The following TOP1 variants were observed in gnomAD, a reference collection of about 807,000 sequenced individuals.
TOP1 encodes DNA topoisomerase I, also known as DNA topoisomerase 1.
A neutral mutation model predicts 111.1 loss-of-function variants in TOP1; 10 were observed. The ratio of observed to expected loss-of-function variants is 0.09; its 90% CI spans 0.06 to 0.15. TOP1 has a LOEUF of 0.15. TOP1 is among the 10% of genes least tolerant of loss of function. The probability of loss-of-function intolerance (pLI) is 1.00; values close to 1 mark genes in which losing one functional copy is unlikely to be tolerated. For synonymous variants in TOP1, 271 were observed against 302.9 expected, an observed-to-expected ratio of 0.89 and a Z score of 1.10; for missense variants, 474 against 926.7, an observed-to-expected ratio of 0.51 and a Z score of 6.34.
intron 2 of TOP1, among the ~76,000 whole-genome samples, chr20:41,054,462 C>T (rs1416154672): frequency 6.6e-6 from 1 of 152,204 alleles, no homozygotes; most frequent in Non-Finnish European, 1.5e-5. Flanking sequence ...ATTACCCAGT[C>T]TTGGGTATGT....
At chr20:41,043,292 A>C (rs1033129117) in intron 2 of TOP1, among the ~76,000 whole-genome samples, 5 of 152,236 alleles carry the variant, frequency 3.3e-5, no homozygotes, top group African/African-American at 9.6e-5. Context: ...GTAGTAATTC[A>C]ACCTCTTAAG....
At chr20:41,084,697 T>G in intron 8 of TOP1, 129 bp downstream of exon 8, 1 of 577,682 alleles carries the variant, frequency 1.7e-6, no homozygotes, top group Non-Finnish European at 3.0e-6. Flanking sequence ...TTCTCTAGAG[T>G]AACTTTCTGA....
chr20:41,073,149 A>G, intron 3 of TOP1: 2 of 985,416 alleles, frequency 2.0e-6, no homozygotes, highest in Non-Finnish European at 1.2e-6. Context: ...GATAATGTAC[A>G]GCAAAGCTGA....
Position 41,121,608 on chromosome 20 carries a change from TG to T in TOP1, c.1951-86del. 2 of 1,000,338 alleles carry T rather than the reference TG, an allele frequency of 2.0e-6. No individual in the cohort carries two copies. Among genetic ancestry groups the T allele is most frequent in the Non-Finnish European group, 3.2e-6 (2 of 626,682 alleles). The allele number at this position is 1,000,338 out of a possible 1,614,324, so 62.0% of individuals were successfully genotyped here. On this transcript the variant is annotated intron_variant, in intron 18 of 20. Transcript: ENST00000361337. This position sits in a 1 kb window ranked among gnomAD's most constrained non-coding sequence, Gnocchi z 4.2. ...TGACAAACCACTGACAGAGACAGCC[TG>T]GTCCAGATAACATCTTGGTTTCACC...
chr20:41,100,676 C>A lies in TOP1; in HGVS notation c.1163+433C>A. On this transcript the variant is annotated intron_variant, in intron 12 of 20. Transcript: ENST00000361337. This position sits in a 1 kb window ranked among gnomAD's most constrained non-coding sequence, Gnocchi z 4.4. The stretch of plus-strand genomic sequence containing the variant: ...TTCTTACCTTAGATCTTAGCAACTT[C>A]ACCATACAGTTTTTTTTATTAAGTC... 1 of 164,238 alleles carries A rather than the reference C, an allele frequency of 6.1e-6. No homozygotes were observed. 10.2% of individuals were successfully genotyped at this position (164,238 alleles called of 1,614,324 possible).
rs1032679626 is a variant in TOP1, at chr20:41,092,164, T to G, written c.615-308T>G. The stretch of plus-strand genomic sequence containing the variant: ...TATGCCATTGTGGTAAAACAACTGT[T>G]TACATTTTCAAGTCCCTCACTTGTT... On this transcript the variant is annotated intron_variant, in intron 8 of 20. Transcript: ENST00000361337. The surrounding 1 kb of genome is among the most constrained non-coding windows in gnomAD (Gnocchi z 4.3). Among the ~76,000 whole-genome samples the G allele has an allele frequency of 2.6e-5, 4 of 152,240 alleles. No homozygotes were observed. Among genetic ancestry groups the G allele is most frequent in the Non-Finnish European group, 5.9e-5 (4 of 68,040 alleles).
In TOP1 at chr20:41,064,103, G is replaced by A. The variant is rs111915122; in HGVS notation, c.155+2613G>A. ...GATTTTTGTATGTGGTGTAAGGAAGGGGTCCAGTTTCAGTTTTCTGCGTAT... is the reference window on the plus strand; with the variant it reads ...GATTTTTGTATGTGGTGTAAGGAAGAGGTCCAGTTTCAGTTTTCTGCGTAT... On this transcript the variant is annotated intron_variant, in intron 3 of 20. Transcript: ENST00000361337. Among the ~76,000 whole-genome samples, 514 of 152,224 alleles carry A rather than the reference G, an allele frequency of 3.4e-3. 1 individual carries two copies. Among genetic ancestry groups the A allele is most frequent in the Middle Eastern group, 6.8e-3 (2 of 294 alleles).
Position 41,080,883 on chromosome 20 carries a change from A to G in TOP1, c.432-282A>G, listed in dbSNP as rs1457854252. ...ATTTTATTTTTTTTCCCAGACTTTC[A>G]TCTGATAATGATATTTATTTCTGCA... On this transcript the variant is annotated intron_variant, in intron 6 of 20. Transcript: ENST00000361337. This position sits in a 1 kb window ranked among gnomAD's most constrained non-coding sequence, Gnocchi z 5.0. Among the ~76,000 whole-genome samples the G allele has an allele frequency of 3.3e-5, 5 of 151,308 alleles. No individual in the cohort carries two copies. Among genetic ancestry groups the G allele is most frequent in the African/African-American group, 4.9e-5 (2 of 41,062 alleles).
chr20:41,035,334 G>T (rs1156540067), intron 2 of TOP1, among the ~76,000 whole-genome samples: 2 of 152,172 alleles, frequency 1.3e-5, no homozygotes, highest in Admixed American at 1.3e-4. Flanking sequence ...GATTTGGGGT[G>T]GGGAGGCATC....
chr20:41,123,213 C>T lies in TOP1; in HGVS notation c.2214C>T (p.Val738=). The stretch of plus-strand genomic sequence containing the variant: ...TTTGCAGGTGCAAGAAGTGGGGTGT[C>T]CCAATTGAGAAGATTTACAACAAAA... The part of the protein sequence containing the change: ...ITVAWCKKWG[V]PIEKIYNKTQ... The change falls in exon 21 of 21, where the codon GTC becomes GTT. Residue 738 remains valine (V), a synonymous_variant. Coordinates refer to ENST00000361337, the MANE Select transcript of TOP1 (RefSeq NM_003286.4). The surrounding 1 kb of genome is among the most constrained non-coding windows in gnomAD (Gnocchi z 5.8). 6.2e-7 allele frequency: 1 copy of T among 1,614,016 alleles called. No individual in the cohort carries two copies. The highest frequency in any genetic ancestry group is 8.5e-7 in the Non-Finnish European group (1 of 1,179,920).
rs2034303900 is a variant in TOP1 at position 41,114,874 on chromosome 20, TCATAAGGACA to T, written c.1639-495_1639-486del. 6.6e-6 allele frequency among the ~76,000 whole-genome samples: 1 copy of T among 152,176 alleles called. No individual in the cohort carries two copies. Among genetic ancestry groups the T allele is most frequent in the Non-Finnish European group, 1.5e-5 (1 of 68,030 alleles). ...CCTCTTCTTATAAAGACACCTCTTC[TCATAAGGACA>T]CCATAATCAGTAATCAGGTTTTGCT... On this transcript the variant is annotated intron_variant, in intron 15 of 20. Coordinates refer to ENST00000361337, the MANE Select transcript of TOP1 (RefSeq NM_003286.4). The surrounding 1 kb of genome is among the most constrained non-coding windows in gnomAD (Gnocchi z 4.5).
At chr20:41,037,109 C>A (rs1327944098) in intron 2 of TOP1, among the ~76,000 whole-genome samples, 1 of 152,088 alleles carries the variant, frequency 6.6e-6, no homozygotes, top group Admixed American at 6.5e-5. Flanking sequence ...GGATTACATG[C>A]ATGAGCCACC....
rs1465626337 is a variant in TOP1, at chr20:41,109,931, T to C, written c.1309-2851T>C. ...TATGGTATAGTCATAGAATATACTA[T>C]ATTTATCAGCAGTTAAGAAGGGAAC... On this transcript the variant is annotated intron_variant, in intron 13 of 20. Transcript: ENST00000361337. This position sits in a 1 kb window ranked among gnomAD's most constrained non-coding sequence, Gnocchi z 4.1. 2.0e-5 allele frequency among the ~76,000 whole-genome samples: 3 copies of C among 152,256 alleles called. No individual in the cohort carries two copies. In the East Asian group the frequency reaches 5.8e-4, roughly 29 times the overall value.
intron 2 of TOP1, among the ~76,000 whole-genome samples, chr20:41,057,601 G>A (rs1234462476): frequency 6.6e-6 from 1 of 152,162 alleles, no homozygotes; most frequent in Admixed American, 6.5e-5. Flanking sequence ...TAGAAAACAA[G>A]ATGAAGTATA....
chr20:41,091,319 G>C (rs900500068), intron 8 of TOP1, among the ~76,000 whole-genome samples: 2 of 152,140 alleles, frequency 1.3e-5, no homozygotes, highest in Non-Finnish European at 2.9e-5. Flanking sequence ...GCCTGAGTTG[G>C]ATCCTGGTCT....
At chr20:41,045,837 A>G (rs566328487) in intron 2 of TOP1, among the ~76,000 whole-genome samples, 1 of 152,396 alleles carries the variant, frequency 6.6e-6, no homozygotes, top group African/African-American at 2.4e-5. Flanking sequence ...TAGTAAAAGC[A>G]GATCAGAACT....
rs2033934058 is a variant in TOP1 at position 41,092,685 on chromosome 20, C to T, written c.730+98C>T. ...GAAGGATCCTATGTAATAGATAATCCTTTTTATTTCATTTTGTTTTATTGC... is the reference window on the plus strand; with the variant it reads ...GAAGGATCCTATGTAATAGATAATCTTTTTTATTTCATTTTGTTTTATTGC... On this transcript the variant is annotated intron_variant, in intron 9 of 20. Coordinates refer to ENST00000361337, the MANE Select transcript of TOP1 (RefSeq NM_003286.4). This position sits in a 1 kb window ranked among gnomAD's most constrained non-coding sequence, Gnocchi z 4.3. The T allele has an allele frequency of 5.0e-6, 3 of 597,402 alleles. No homozygotes were observed. Among genetic ancestry groups the T allele is most frequent in the Middle Eastern group, 3.7e-4 (1 of 2,716 alleles). The allele number at this position is 597,402 out of a possible 1,614,324, so 37.0% of individuals were successfully genotyped here.
rs1373487164 is a variant in TOP1, at chr20:41,122,580, TACAC to T, written c.2195+427_2195+430del. ...GATGAGAATACAGATCTGAGCAACT[TACAC>T]AGAGAGGCAGAGGGACCTTTAACAA... On this transcript the variant is annotated intron_variant, in intron 20 of 20. Transcript: ENST00000361337. The surrounding 1 kb of genome is among the most constrained non-coding windows in gnomAD (Gnocchi z 5.4). 2.0e-5 allele frequency among the ~76,000 whole-genome samples: 3 copies of T among 152,204 alleles called. No individual in the cohort carries two copies. Among genetic ancestry groups the T allele is most frequent in the African/African-American group, 7.2e-5 (3 of 41,452 alleles).
rs1028952749 is a variant in TOP1, at chr20:41,101,228, C to T, written c.1183C>T (p.Pro395Ser). 1 of 1,613,980 alleles carries T rather than the reference C, an allele frequency of 6.2e-7. No homozygotes were observed. Among genetic ancestry groups the T allele is most frequent in the African/African-American group, 1.3e-5 (1 of 74,930 alleles). ...NCSKDAKVPSPPPGHKWKEVR... is the reference protein window; with the variant it reads ...NCSKDAKVPSSPPGHKWKEVR... Reference sequence around the variant, plus strand: ...TTCCAGAGATGCCAAGGTTCCTTCTCCTCCTCCAGGACATAAGTGGAAAGA... The same window carrying T: ...TTCCAGAGATGCCAAGGTTCCTTCTTCTCCTCCAGGACATAAGTGGAAAGA... The change falls in exon 13 of 21, where the codon CCT becomes TCT. Residue 395 changes from proline to serine, a missense_variant. By Grantham distance (74) the Pro-to-Ser change is moderately conservative (BLOSUM62 -1). Around this residue, in one of 14 missense-constraint regions of TOP1, gnomAD observed 22 missense variants for 30.4 expected, o/e 0.72. Transcript: ENST00000361337. This position sits in a 1 kb window ranked among gnomAD's most constrained non-coding sequence, Gnocchi z 4.1.
Sources: allele counts gnomAD v4.1 joint callset (sites outside exome capture counted in the v4.1 genomes callset), GRCh38; gene constraint gnomAD v4.1.1; regional missense constraint gnomAD v4.1.1; non-coding constraint Gnocchi (gnomAD v3.1); transcripts MANE v1.5; gene names NCBI Gene and HGNC (gene_info 2026-07-23, HGNC 2026-07-21).